ST7: variants seen among roughly 807,000 people sequenced by gnomAD.
ST7 encodes suppressor of tumorigenicity 7 protein.
ST7 carries 28 observed loss-of-function variants against 78.7 expected under a neutral mutation model. The ratio of observed to expected loss-of-function variants is 0.36; its 90% CI spans 0.26 to 0.49. ST7 has a LOEUF of 0.49. ST7 is among the 20% of genes least tolerant of loss of function. The pLI is 0.99. For missense variants in ST7, 418 were observed against 696.0 expected, an observed-to-expected ratio of 0.60 and a Z score of 4.49; for synonymous variants, 247 against 249.6, an observed-to-expected ratio of 0.99 and a Z score of 0.10.
chr7:116,972,927 A>G, intron 1 of ST7: 1 of 1,287,364 alleles, frequency 7.8e-7, no homozygotes, highest in Non-Finnish European at 1.1e-6. Context: ...CCACTCAGCT[A>G]CTGCTCGCAC....
chr7:116,971,349 G>A (rs1793408601), intron 1 of ST7, among the ~76,000 whole-genome samples: 1 of 152,168 alleles, frequency 6.6e-6, no homozygotes, highest in South Asian at 2.1e-4. Context: ...GGCTGAATCA[G>A]TGGCAAAAAC....
chr7:117,208,907 GT>G (rs1563170035), intron 12 of ST7, among the ~76,000 whole-genome samples: 7 of 20,216 alleles, frequency 3.5e-4, no homozygotes, highest in Admixed American at 1.1e-3. Flanking sequence ...GTGTGGGTGT[GT>G]GTGTGTGTGT....
chr7:117,211,922 G>C (rs1040961578), intron 13 of ST7, among the ~76,000 whole-genome samples: 1 of 152,090 alleles, frequency 6.6e-6, no homozygotes, highest in Admixed American at 6.5e-5. Flanking sequence ...AAAAAGAGGG[G>C]GTGGGTTTTC....
chr7:117,012,089 T>C (rs1795408263), intron 1 of ST7, among the ~76,000 whole-genome samples: 2 of 152,204 alleles, frequency 1.3e-5, no homozygotes, highest in African/African-American at 4.8e-5. Flanking sequence ...TATTTCTGCT[T>C]TACTGGCTAA....
intron 9 of ST7, among the ~76,000 whole-genome samples, chr7:117,167,502 A>G (rs906026696): frequency 2.0e-5 from 3 of 151,874 alleles, no homozygotes; most frequent in Non-Finnish European, 4.4e-5. Flanking sequence ...GGAAATTATC[A>G]TCTCAGTATT....
At chr7:117,121,520 A>G (rs1803362053) in intron 3 of ST7, among the ~76,000 whole-genome samples, 1 of 152,200 alleles carries the variant, frequency 6.6e-6, no homozygotes, top group East Asian at 1.9e-4. Flanking sequence ...TTAGACAGTT[A>G]TGAAATGTGG....
At chr7:117,095,035 C>T (rs926130337) in intron 1 of ST7, among the ~76,000 whole-genome samples, 1 of 152,158 alleles carries the variant, frequency 6.6e-6, no homozygotes, top group Non-Finnish European at 1.5e-5. Context: ...TCCATTATAT[C>T]TAGTCAGTAC....
At chr7:117,200,753 G>C (rs934396984) in intron 12 of ST7, among the ~76,000 whole-genome samples, 1 of 150,350 alleles carries the variant, frequency 6.7e-6, no homozygotes, top group African/African-American at 2.5e-5. Flanking sequence ...GGGAAGTCAA[G>C]AGAAAATAGA....
intron 1 of ST7, among the ~76,000 whole-genome samples, chr7:117,036,374 A>G (rs532943105): frequency 2.0e-5 from 3 of 152,320 alleles, no homozygotes; most frequent in South Asian, 2.1e-4. Context: ...CAAAAACATA[A>G]TGTCTGGAAT....
intron 1 of ST7, among the ~76,000 whole-genome samples, chr7:117,008,639 G>A (rs1795254159): frequency 6.6e-6 from 1 of 152,202 alleles, no homozygotes; most frequent in South Asian, 2.1e-4. Context: ...ATTGTTCATA[G>A]TATCATCAGA....
intron 1 of ST7, among the ~76,000 whole-genome samples, chr7:117,004,800 AG>A (rs1795091931): frequency 6.6e-6 from 1 of 152,226 alleles, no homozygotes; most frequent in South Asian, 2.1e-4. Flanking sequence ...CTAAAAATAT[AG>A]GTTATAGCAA....
At position 117,219,229 on chromosome 7, in the gene ST7, TGGAAGAGGTG is replaced by T. The variant is rs2116149699; in HGVS notation, c.1498+58_1498+67del. Reference sequence around the variant, plus strand: ...AGGGTGTGTGGTGAAAGGTGGGGATTGGAAGAGGTGGGAATATCAAAGTTTAGAATGCTCC... The same window carrying T: ...AGGGTGTGTGGTGAAAGGTGGGGATTGGAATATCAAAGTTTAGAATGCTCC... On this transcript the variant is annotated intron_variant, in intron 14 of 15. Transcript: ENST00000323984. The surrounding 1 kb of genome is among the most constrained non-coding windows in gnomAD (Gnocchi z 5.1). The T allele has an allele frequency of 1.4e-6, 2 of 1,428,210 alleles. No individual in the cohort carries two copies. Among genetic ancestry groups the T allele is most frequent in the South Asian group, 2.4e-5 (2 of 81,860 alleles). 88.5% of individuals were successfully genotyped at this position (1,428,210 alleles called of 1,614,324 possible). A position where few individuals can be genotyped will look rare whatever the true frequency, so the allele number is the denominator to read the frequency against.
intron 1 of ST7, among the ~76,000 whole-genome samples, chr7:117,029,414 C>A (rs998033915): frequency 2.0e-5 from 3 of 151,758 alleles, no homozygotes; most frequent in Non-Finnish European, 2.9e-5. Context: ...TGTTCAAATC[C>A]TTTGCCTGTT....
chr7:116,970,445 G>C lies in ST7; in HGVS notation c.151+16754G>C, dbSNP rs79826049. On this transcript the variant is annotated intron_variant, in intron 1 of 15. Coordinates refer to ENST00000323984, the MANE Select transcript of ST7 (RefSeq NM_001369598.1). Reference sequence around the variant, plus strand: ...GGAGGCTGGGAAGTGCAAGATTAAGGGGCTGGAAGATCCTGTGTCTGGAGG... The same window carrying C: ...GGAGGCTGGGAAGTGCAAGATTAAGCGGCTGGAAGATCCTGTGTCTGGAGG... Among the ~76,000 whole-genome samples the C allele has an allele frequency of 9.3e-3, 1,416 of 152,304 alleles. 18 individuals carry two copies. The highest frequency in any genetic ancestry group is 0.031 in the African/African-American group (1,307 of 41,558).
chr7:117,120,426 A>T (rs1803275821), intron 3 of ST7, among the ~76,000 whole-genome samples: 2 of 152,220 alleles, frequency 1.3e-5, no homozygotes, highest in African/African-American at 4.8e-5. Context: ...ATTGGTTCCC[A>T]TTCCACTGAA....
intron 1 of ST7, among the ~76,000 whole-genome samples, chr7:116,957,464 C>T (rs973205718): frequency 2.0e-5 from 3 of 151,958 alleles, no homozygotes; most frequent in East Asian, 3.8e-4. Context: ...TCCCTAGTAG[C>T]GAGTACTACA....
At chr7:117,120,574 T>C (rs1462111448) in intron 3 of ST7, among the ~76,000 whole-genome samples, 1 of 152,234 alleles carries the variant, frequency 6.6e-6, no homozygotes, top group African/African-American at 2.4e-5. Context: ...GAACATGCCA[T>C]GTTTCTCATG....
chr7:117,147,475 A>C (rs1220072855), intron 9 of ST7, among the ~76,000 whole-genome samples: 1 of 151,924 alleles, frequency 6.6e-6, no homozygotes, highest in South Asian at 2.1e-4. Flanking sequence ...TTTAATATAC[A>C]TATTTATATA....
chr7:117,072,877 T>C (rs1687521266), intron 1 of ST7: 1 of 152,118 alleles, frequency 6.6e-6, no homozygotes, highest in Non-Finnish European at 1.5e-5. Flanking sequence ...ATGAAGGGAG[T>C]TAAGTGTGCC....
Sources: allele counts gnomAD v4.1 joint callset (sites outside exome capture counted in the v4.1 genomes callset), GRCh38; gene constraint gnomAD v4.1.1; non-coding constraint Gnocchi (gnomAD v3.1); transcripts MANE v1.5; gene names NCBI Gene and HGNC (gene_info 2026-07-23, HGNC 2026-07-21).